LHFPL5: variants seen among roughly 807,000 people sequenced by gnomAD.
The protein encoded by LHFPL5 is LHFPL tetraspan subfamily member 5, also known as LHFPL tetraspan subfamily member 5 protein.
Under a neutral mutation model 18.7 loss-of-function variants are expected in LHFPL5, and 12 were observed. The ratio of observed to expected loss-of-function variants is 0.64; its 90% CI spans 0.41 to 1.04. The LOEUF is 1.04. Among genes scored for constraint, LHFPL5 ranks in the 50% least tolerant of loss-of-function variants. The pLI, the probability that LHFPL5 is intolerant of heterozygous loss-of-function variation, is 0.00. For synonymous variants in LHFPL5, 111 were observed against 120.2 expected (o/e 0.92, Z 0.50); for missense variants, 259 against 292.1 (o/e 0.89, Z 0.83).
At chr6:35,807,913 A>AAT (rs1768597818) in intron 1 of LHFPL5, among the ~76,000 whole-genome samples, 1 of 152,262 alleles carries the variant, frequency 6.6e-6, no homozygotes, top group South Asian at 2.1e-4. Context: ...AGCACAACCC[A>AAT]TTGAGGTGGG....
In LHFPL5 at chr6:35,805,882, A is replaced by G. The variant is rs148435294; in HGVS notation, c.212A>G (p.Asn71Ser). 1.2e-6 allele frequency: 2 copies of G among 1,614,090 alleles called. No individual in the cohort carries two copies. The highest frequency in any genetic ancestry group is 1.7e-6 in the Non-Finnish European group (2 of 1,180,022). Reference protein sequence around the residue: ...YFGLFSYCVGNVLSSELICKG... With the variant: ...YFGLFSYCVGSVLSSELICKG... ...GGCCTTTTCTCCTACTGCGTGGGTAACGTGCTGTCCTCCGAGCTCATCTGC... is the reference window on the plus strand; with the variant it reads ...GGCCTTTTCTCCTACTGCGTGGGTAGCGTGCTGTCCTCCGAGCTCATCTGC... The change falls in exon 1 of 4, where the codon AAC becomes AGC. Residue 71 changes from asparagine (N) to serine (S), a missense_variant. Transcript: ENST00000360215. The surrounding 1 kb of genome is among the most constrained non-coding windows in gnomAD (Gnocchi z 4.3).
Position 35,805,368 on chromosome 6 carries a change from C to G in LHFPL5, c.-303C>G. ...GGCGGGGCTCTCGGGAGCCGTGAGC[C>G]GGGAAGAGGGAGACGGGCAGGGCGG... On this transcript the variant is annotated 5_prime_UTR_variant, in exon 1 of 4. Coordinates refer to ENST00000360215, the MANE Select transcript of LHFPL5 (RefSeq NM_182548.4). This position sits in a 1 kb window ranked among gnomAD's most constrained non-coding sequence, Gnocchi z 4.3. 2.6e-6 allele frequency: 1 copy of G among 380,066 alleles called. No homozygotes were observed. The highest frequency in any genetic ancestry group is 4.8e-6 in the Non-Finnish European group (1 of 208,266). 23.5% of individuals were successfully genotyped at this position (380,066 alleles called of 1,614,324 possible).
Position 35,814,815 on chromosome 6 carries a change from C to T in LHFPL5, c.649+33C>T. 6.4e-7 allele frequency: 1 copy of T among 1,568,664 alleles called. No individual in the cohort carries two copies. ...CCCAACTCCACAATGGTGTCCCCTG[C>T]CTGGAGACCCTGGGATGTGGGTGGG... On this transcript the variant is annotated intron_variant, in intron 2 of 3. Transcript: ENST00000360215. This position sits in a 1 kb window ranked among gnomAD's most constrained non-coding sequence, Gnocchi z 4.2.
chr6:35,805,903 T>C lies in LHFPL5; in HGVS notation c.233T>C (p.Ile78Thr). ...CVGNVLSSEL[I>T]CKGGPLDFSS... Reference sequence around the variant, plus strand: ...GGTAACGTGCTGTCCTCCGAGCTCATCTGCAAGGGCGGCCCCCTAGACTTC... The same window carrying C: ...GGTAACGTGCTGTCCTCCGAGCTCACCTGCAAGGGCGGCCCCCTAGACTTC... Residue 78 changes from isoleucine (I) to threonine (T), a missense_variant, in exon 1 of 4, where the codon ATC (isoleucine) becomes ACC (threonine). Physicochemically the swap from Ile to Thr is moderately conservative, Grantham distance 89. Coordinates refer to ENST00000360215, the MANE Select transcript of LHFPL5 (RefSeq NM_182548.4). This position sits in a 1 kb window ranked among gnomAD's most constrained non-coding sequence, Gnocchi z 4.3. 1.2e-6 allele frequency: 2 copies of C among 1,614,246 alleles called. No homozygotes were observed. Among genetic ancestry groups the C allele is most frequent in the South Asian group, 2.2e-5 (2 of 91,082 alleles).
intron 3 of LHFPL5, among the ~76,000 whole-genome samples, chr6:35,822,639 C>G (rs544652534): frequency 3.7e-4 from 56 of 152,298 alleles, no homozygotes; most frequent in Admixed American, 1.4e-3. Context: ...TCCCAAGTAG[C>G]TAGGACTACA....
intron 1 of LHFPL5, among the ~76,000 whole-genome samples, chr6:35,812,002 A>G (rs2151070211): frequency 6.6e-6 from 1 of 152,344 alleles, no homozygotes. Flanking sequence ...TCATAGCTGG[A>G]TGACTGGATG....
At chr6:35,811,782 C>T (rs141616263) in intron 1 of LHFPL5, among the ~76,000 whole-genome samples, 33 of 152,356 alleles carry the variant, frequency 2.2e-4, no homozygotes, top group African/African-American at 6.3e-4. Flanking sequence ...GGGCTGGCTA[C>T]GTAGGTTTCA....
intron 3 of LHFPL5, among the ~76,000 whole-genome samples, chr6:35,820,750 A>G (rs1768850245): frequency 6.6e-6 from 1 of 151,686 alleles, no homozygotes; most frequent in African/African-American, 2.4e-5. Flanking sequence ...TTAAAAAAAT[A>G]AAAAAGAAAA....
In LHFPL5 at chr6:35,823,370, TACACACACACATATATATAC is replaced by T. The variant is rs140793976; in HGVS notation, c.*417_*436del. The T allele has an allele frequency of 0.26, 32,809 of 127,324 alleles. 4,085 individuals carry two copies. Among genetic ancestry groups the T allele is most frequent in the South Asian group, 0.36 (1,452 of 3,994 alleles). The allele number at this position is 127,324 out of a possible 1,614,324, so 7.9% of individuals were successfully genotyped here. ...CCTCCCAGGTCTGTGTCTGATAGCA[TACACACACACATATATATAC>T]ACACACACACACACACACACACACA... On this transcript the variant is annotated 3_prime_UTR_variant, in exon 4 of 4. Transcript: ENST00000360215.
intron 3 of LHFPL5, among the ~76,000 whole-genome samples, 152 bp from the exon 4 acceptor site, chr6:35,822,830 G>A (rs975002522): frequency 6.6e-6 from 1 of 152,018 alleles, no homozygotes; most frequent in Non-Finnish European, 1.5e-5. Flanking sequence ...GGCTGGCCTC[G>A]AACTCCTGAC....
chr6:35,821,700 C>T (rs1189683968), intron 3 of LHFPL5, among the ~76,000 whole-genome samples: 3 of 151,752 alleles, frequency 2.0e-5, no homozygotes, highest in South Asian at 2.1e-4. Context: ...ATGCTGGTCT[C>T]GAACTCCCGA....
In LHFPL5 at chr6:35,821,347, T is replaced by G. The variant is rs1029427542; in HGVS notation, c.*17-1635T>G. Among the ~76,000 whole-genome samples, 16 of 149,742 alleles carry G rather than the reference T, an allele frequency of 1.1e-4. No homozygotes were observed. The Admixed American group carries it at 1.1e-3, about 10-fold the overall frequency. ...GCAGATTCTGATTCAGTTGGTGGGGTGGGTCTGGGGCCGTAGACCCTGCAT... is the reference window on the plus strand; with the variant it reads ...GCAGATTCTGATTCAGTTGGTGGGGGGGGTCTGGGGCCGTAGACCCTGCAT... On this transcript the variant is annotated intron_variant, in intron 3 of 3. Coordinates refer to ENST00000360215, the MANE Select transcript of LHFPL5 (RefSeq NM_182548.4).
Position 35,806,081 on chromosome 6 carries a change from G to A in LHFPL5, c.411G>A (p.Ala137=), listed in dbSNP as rs140326236. Reference sequence around the variant, plus strand: ...TCTGTGCATGGATGCAGCTGGCTGCGGGTAAGCAGAGATGGTGGGAGGGCA... The same window carrying A: ...TCTGTGCATGGATGCAGCTGGCTGCAGGTAAGCAGAGATGGTGGGAGGGCA... The part of the protein sequence containing the change: ...YKICAWMQLA[A]ATGLMIGCLV... The change falls in exon 1 of 4, where the codon GCG becomes GCA. Residue 137 remains alanine, a splice_region_variant and synonymous_variant. Transcript: ENST00000360215. 323 of 1,613,604 alleles carry A rather than the reference G, an allele frequency of 2.0e-4. No homozygotes were observed. Among genetic ancestry groups the A allele is most frequent in the Middle Eastern group, 6.6e-4 (4 of 6,084 alleles).
In LHFPL5 at chr6:35,812,310, G is replaced by A. The variant is rs567023636; in HGVS notation, c.413-2236G>A. ...GGAAGGTAACTTTAGGCCTGAAGAG[G>A]TGCTTTTCTGAGGGTCTCCTGAGTA... On this transcript the variant is annotated intron_variant, in intron 1 of 3. Coordinates refer to ENST00000360215, the MANE Select transcript of LHFPL5 (RefSeq NM_182548.4). Among the ~76,000 whole-genome samples, 10 of 152,292 alleles carry A rather than the reference G, an allele frequency of 6.6e-5. No homozygotes were observed. In the South Asian group the frequency reaches 2.1e-3, roughly 32 times the overall value.
chr6:35,813,465 G>T (rs1215970373), intron 1 of LHFPL5, among the ~76,000 whole-genome samples: 2 of 151,852 alleles, frequency 1.3e-5, no homozygotes, highest in Admixed American at 6.6e-5. Context: ...GGATGGTCTC[G>T]ATCTCCTGAC....
Position 35,814,873 on chromosome 6 carries a change from C to T in LHFPL5, c.649+91C>T, listed in dbSNP as rs1768732718. 1.7e-6 allele frequency: 2 copies of T among 1,206,228 alleles called. No individual in the cohort carries two copies. Among genetic ancestry groups the T allele is most frequent in the Non-Finnish European group, 2.5e-6 (2 of 811,066 alleles). 74.7% of individuals were successfully genotyped at this position (1,206,228 alleles called of 1,614,324 possible). On this transcript the variant is annotated intron_variant, in intron 2 of 3. Coordinates refer to ENST00000360215, the MANE Select transcript of LHFPL5 (RefSeq NM_182548.4). This position sits in a 1 kb window ranked among gnomAD's most constrained non-coding sequence, Gnocchi z 4.2. Reference sequence around the variant, plus strand: ...CTTAGCCAGTCCTCTAAGGCTTGGTCCCTGGCCAAGGGATGGGGACACCAA... The same window carrying T: ...CTTAGCCAGTCCTCTAAGGCTTGGTTCCTGGCCAAGGGATGGGGACACCAA...
At position 35,823,702 on chromosome 6, in the gene LHFPL5, T is replaced by G. The variant is rs1383216466; in HGVS notation, c.*737T>G. ...ATCCACCAGGAAGTTTTATGAAGAG[T>G]GGGTGATAGGATCTAAAATCTCTGC... On this transcript the variant is annotated 3_prime_UTR_variant, in exon 4 of 4. Coordinates refer to ENST00000360215, the MANE Select transcript of LHFPL5 (RefSeq NM_182548.4). 1 of 151,960 alleles carries G rather than the reference T, an allele frequency of 6.6e-6. No homozygotes were observed. Among genetic ancestry groups the G allele is most frequent in the Non-Finnish European group, 1.5e-5 (1 of 68,008 alleles). 9.4% of individuals were successfully genotyped at this position (151,960 alleles called of 1,614,324 possible).
chr6:35,821,303 CAAAAAA>C (rs545383687), intron 3 of LHFPL5, among the ~76,000 whole-genome samples: 1 of 99,970 alleles, frequency 1.0e-5, no homozygotes, highest in Non-Finnish European at 2.1e-5. Context: ...GACTGAGTCT[CAAAAAA>C]AAAAAAAAAA....
Position 35,814,423 on chromosome 6 carries a change from G to T in LHFPL5, c.413-123G>T. 1 of 836,048 alleles carries T rather than the reference G, an allele frequency of 1.2e-6. No individual in the cohort carries two copies. The highest frequency in any genetic ancestry group is 2.1e-6 in the Non-Finnish European group (1 of 477,460). 51.8% of individuals were successfully genotyped at this position (836,048 alleles called of 1,614,324 possible). A position where few individuals can be genotyped will look rare whatever the true frequency, so the allele number is the denominator to read the frequency against. ...AAGGATGGTAGAGGCTGCCTCTCAT[G>T]CCTCCTGAGGCTGTTAACAGAAGGA... On this transcript the variant is annotated intron_variant, in intron 1 of 3. Coordinates refer to ENST00000360215, the MANE Select transcript of LHFPL5 (RefSeq NM_182548.4). The surrounding 1 kb of genome is among the most constrained non-coding windows in gnomAD (Gnocchi z 4.2).
Sources: allele counts gnomAD v4.1 joint callset (sites outside exome capture counted in the v4.1 genomes callset), GRCh38; gene constraint gnomAD v4.1.1; non-coding constraint Gnocchi (gnomAD v3.1); transcripts MANE v1.5; gene names NCBI Gene and HGNC (gene_info 2026-07-23, HGNC 2026-07-21).